Variants in HABP2 observed in about 807,000 individuals in gnomAD.
HABP2 encodes factor VII-activating protease.
HABP2 carries 65 observed loss-of-function variants against 66.5 expected under a neutral mutation model. The observed-to-expected ratio is 0.98, with a 90% confidence interval of 0.80 to 1.20. The LOEUF (loss-of-function observed/expected upper bound fraction) is 1.20. Among genes scored for constraint, HABP2 ranks in the 50% most tolerant of loss-of-function variants. The probability of loss-of-function intolerance (pLI) is 0.00; values close to 1 mark genes in which losing one functional copy is unlikely to be tolerated. For missense variants in HABP2, 786 were observed against 691.0 expected (o/e 1.14, Z -1.54); for synonymous variants, 263 against 253.9 (o/e 1.04, Z -0.34).
chr10:113,559,055 A>G (rs1845052879), intron 1 of HABP2, among the ~76,000 whole-genome samples: 1 of 152,166 alleles, frequency 6.6e-6, no homozygotes, highest in South Asian at 2.1e-4. Flanking sequence ...GGGTTTCACC[A>G]TCCTGGCCAG....
At chr10:113,562,724 C>T (rs1046401007) in intron 1 of HABP2, among the ~76,000 whole-genome samples, 3 of 152,220 alleles carry the variant, frequency 2.0e-5, no homozygotes, top group Admixed American at 6.5e-5. Flanking sequence ...GGATTACAGG[C>T]GTAAGCCACT....
chr10:113,589,022 C>T lies in HABP2; in HGVS notation c.*653C>T, dbSNP rs762083634. The stretch of plus-strand genomic sequence containing the variant: ...TTTTTGACGTGCAGAATCTCAGTGG[C>T]ATCTGGGTTCACCTCCCCACTCTGA... On this transcript the variant is annotated 3_prime_UTR_variant, in exon 13 of 13. Coordinates refer to ENST00000351270, the MANE Select transcript of HABP2 (RefSeq NM_004132.5). 8.7e-6 allele frequency: 14 copies of T among 1,613,956 alleles called. No individual in the cohort carries two copies. The highest frequency in any genetic ancestry group is 1.1e-5 in the Non-Finnish European group (13 of 1,180,018).
intron 1 of HABP2, among the ~76,000 whole-genome samples, chr10:113,564,863 C>G (rs1437172764): frequency 8.1e-6 from 1 of 123,128 alleles, no homozygotes; most frequent in African/African-American, 3.3e-5. Flanking sequence ...TTGTTTTTTT[C>G]TTAGATGGAG....
intron 2 of HABP2, among the ~76,000 whole-genome samples, chr10:113,568,795 G>A (rs1218347906): frequency 6.6e-6 from 1 of 152,174 alleles, no homozygotes; most frequent in East Asian, 1.9e-4. Context: ...AGAGATACAG[G>A]GCTGTGGGAG....
intron 12 of HABP2, among the ~76,000 whole-genome samples, chr10:113,587,660 G>A (rs1005959084): frequency 1.3e-5 from 2 of 152,198 alleles, no homozygotes; most frequent in East Asian, 1.9e-4. Context: ...GCCACCTTCC[G>A]TGAGGGTTTA....
At chr10:113,583,448 C>T in intron 10 of HABP2, 90 bp downstream of exon 10, 3 of 1,198,300 alleles carry the variant, frequency 2.5e-6, no homozygotes, top group Non-Finnish European at 3.7e-6. Context: ...CTAGAAGGTG[C>T]TCTTGATTGT....
At chr10:113,585,422 A>C (rs998187015) in intron 11 of HABP2, among the ~76,000 whole-genome samples, 1 of 152,236 alleles carries the variant, frequency 6.6e-6, no homozygotes, top group Admixed American at 6.5e-5. Context: ...CAGGTAGCCT[A>C]CTGCGCAGGG....
chr10:113,584,072 A>T lies in HABP2; in HGVS notation c.1238-76A>T, dbSNP rs911701. 263,099 of 1,346,828 alleles carry T rather than the reference A, an allele frequency of 0.2. 28,194 individuals are homozygous for T. The highest frequency in any genetic ancestry group is 0.41 in the East Asian group (17,611 of 42,794). The allele number at this position is 1,346,828 out of a possible 1,614,324, so 83.4% of individuals were successfully genotyped here. A position where few individuals can be genotyped will look rare whatever the true frequency, so the allele number is the denominator to read the frequency against. ...GTGGGGCTTTGCTGTGGCCACCTTCATGAGCAAGTTGGAGCTGGTGCTTCT... is the reference window on the plus strand; with the variant it reads ...GTGGGGCTTTGCTGTGGCCACCTTCTTGAGCAAGTTGGAGCTGGTGCTTCT... On this transcript the variant is annotated intron_variant, in intron 10 of 12. Transcript: ENST00000351270.
In HABP2 at chr10:113,583,297, G is replaced by GGAGAA. The variant is rs1293649088; in HGVS notation, c.1179_1183dup (p.Ile395ArgfsTer25). On this transcript the variant is annotated frameshift_variant, in exon 10 of 13. Transcript: ENST00000351270. LOFTEE classifies it high-confidence loss of function. ...AATTTCATGAGCAGAGCTTTAGGGT[G>GGAGAA]GAGAAGATATTCAAGTACAGCCACT... The GGAGAA allele has an allele frequency of 6.2e-7, 1 of 1,610,808 alleles. No individual in the cohort carries two copies. Among genetic ancestry groups the GGAGAA allele is most frequent in the African/African-American group, 1.3e-5 (1 of 74,832 alleles).
At position 113,584,063 on chromosome 10, in the gene HABP2, G is replaced by T. The variant is rs911702; in HGVS notation, c.1238-85G>T. 1,389 of 1,207,274 alleles carry T rather than the reference G, an allele frequency of 1.2e-3. 5 individuals carry two copies. The highest frequency in any genetic ancestry group is 4.5e-3 in the Admixed American group (253 of 55,838). 74.8% of individuals were successfully genotyped at this position (1,207,274 alleles called of 1,614,324 possible). A position where few individuals can be genotyped will look rare whatever the true frequency, so the allele number is the denominator to read the frequency against. On this transcript the variant is annotated intron_variant, in intron 10 of 12. Transcript: ENST00000351270. The stretch of plus-strand genomic sequence containing the variant: ...TGGGGGCAGGTGGGGCTTTGCTGTG[G>T]CCACCTTCATGAGCAAGTTGGAGCT...
chr10:113,577,067 C>A, intron 4 of HABP2, 83 bp from the exon 5 acceptor site: 1 of 793,694 alleles, frequency 1.3e-6, no homozygotes, highest in Non-Finnish European at 2.3e-6. Context: ...TCAGTCACCC[C>A]ACCCTCAAAC....
At chr10:113,566,971 A>G (rs778531719) in intron 1 of HABP2, among the ~76,000 whole-genome samples, 4 of 152,170 alleles carry the variant, frequency 2.6e-5, no homozygotes, top group Admixed American at 6.5e-5. Flanking sequence ...GGTTTTAAGC[A>G]TCTGTCCATC....
intron 2 of HABP2, among the ~76,000 whole-genome samples, chr10:113,573,893 G>C (rs1240916276): frequency 6.6e-6 from 1 of 152,118 alleles, no homozygotes; most frequent in Admixed American, 6.5e-5. Context: ...ATCTGACCCC[G>C]GGCAGACCCC....
chr10:113,575,810 G>A, intron 3 of HABP2, 87 bp from the exon 4 acceptor site: 1 of 741,496 alleles, frequency 1.3e-6, no homozygotes, highest in Non-Finnish European at 2.4e-6. Context: ...TTTGGGGCAG[G>A]AGACTGAAAT....
chr10:113,581,349 C>T lies in HABP2; in HGVS notation c.839-527C>T, dbSNP rs11575767. Reference sequence around the variant, plus strand: ...CTGCCTCCTTACAAACCCTAAGGAACAGGACAAGGCACCACCTATACAACA... The same window carrying T: ...CTGCCTCCTTACAAACCCTAAGGAATAGGACAAGGCACCACCTATACAACA... On this transcript the variant is annotated intron_variant, in intron 8 of 12. Transcript: ENST00000351270. Among the ~76,000 whole-genome samples, 428 of 152,316 alleles carry T rather than the reference C, an allele frequency of 2.8e-3. 2 individuals carry two copies. Among genetic ancestry groups the T allele is most frequent in the African/African-American group, 9.8e-3 (409 of 41,572 alleles).
rs755689054 is a variant in HABP2 at position 113,582,077 on chromosome 10, G to A, written c.1040G>A (p.Cys347Tyr). ...LTISMPQGHF[C>Y]GGALIHPCWV... ...ATCTCCATGCCCCAGGGCCACTTCT[G>A]TGGTGGGGCGCTGATCCACCCCTGC... Residue 347 changes from cysteine (C) to tyrosine (Y), a missense_variant, in exon 9 of 13, where the codon TGT becomes TAT. Cys to Tyr is a radical substitution (Grantham distance 194). Coordinates refer to ENST00000351270, the MANE Select transcript of HABP2 (RefSeq NM_004132.5). The A allele has an allele frequency of 1.2e-6, 2 of 1,612,542 alleles. No homozygotes were observed. The highest frequency in any genetic ancestry group is 2.7e-5 in the African/African-American group (2 of 74,946).
intron 10 of HABP2, among the ~76,000 whole-genome samples, chr10:113,583,611 G>A (rs1361432717): frequency 6.6e-6 from 1 of 152,208 alleles, no homozygotes; most frequent in Non-Finnish European, 1.5e-5. Flanking sequence ...GCTTGGCCTG[G>A]AATCCCAGCT....
intron 2 of HABP2, among the ~76,000 whole-genome samples, chr10:113,573,545 A>G (rs569404844): frequency 8.5e-5 from 13 of 152,318 alleles, no homozygotes; most frequent in African/African-American, 1.2e-4. Flanking sequence ...ACAAACTGCC[A>G]TAGTTCATAT....
intron 12 of HABP2, 123 bp downstream of exon 12, chr10:113,586,061 C>T (rs993107659): frequency 1.2e-4 from 100 of 828,104 alleles, no homozygotes; most frequent in Middle Eastern, 3.1e-4. Flanking sequence ...AAAGCTAAGA[C>T]ACAGGTGAGC....
Sources: allele counts gnomAD v4.1 joint callset (sites outside exome capture counted in the v4.1 genomes callset), GRCh38; gene constraint gnomAD v4.1.1; transcripts MANE v1.5; gene names NCBI Gene and HGNC (gene_info 2026-07-23, HGNC 2026-07-21).